The following TMEM182 variants were observed in gnomAD, a reference collection of about 807,000 sequenced individuals.
TMEM182 encodes the protein transmembrane protein 182.
Under a neutral mutation model 26.8 loss-of-function variants are expected in TMEM182, and 20 were observed. The ratio of observed to expected loss-of-function variants is 0.75; its 90% CI spans 0.53 to 1.09. The LOEUF is 1.09. TMEM182 is among the 50% of genes least tolerant of loss of function. The probability of loss-of-function intolerance (pLI) is 0.00; values close to 1 mark genes in which losing one functional copy is unlikely to be tolerated. For synonymous variants in TMEM182, 109 were observed against 102.2 expected, an observed-to-expected ratio of 1.07 and a Z score of -0.40; for missense variants, 277 against 275.5, an observed-to-expected ratio of 1.01 and a Z score of -0.04.
At chr2:102,783,375 C>A (rs1681254610) in intron 3 of TMEM182, among the ~76,000 whole-genome samples, 1 of 152,130 alleles carries the variant, frequency 6.6e-6, no homozygotes, top group Non-Finnish European at 1.5e-5. Context: ...GGACTCTAAG[C>A]AGAAGAGTCA....
intron 3 of TMEM182, among the ~76,000 whole-genome samples, chr2:102,797,302 T>A (rs1681910360): frequency 6.6e-6 from 1 of 152,214 alleles, no homozygotes. Flanking sequence ...CATTTTTTAT[T>A]GCCTTAGACT....
At chr2:102,842,628 C>T (rs1203160936) in intron 3 of TMEM182, among the ~76,000 whole-genome samples, 1 of 152,184 alleles carries the variant, frequency 6.6e-6, no homozygotes, top group Non-Finnish European at 1.5e-5. Flanking sequence ...TTAGATTGAC[C>T]TTCCAAACCA....
At chr2:102,772,706 A>G (rs976723186) in intron 3 of TMEM182, among the ~76,000 whole-genome samples, 1 of 152,158 alleles carries the variant, frequency 6.6e-6, no homozygotes, top group African/African-American at 2.4e-5. Context: ...AATCTCCACA[A>G]ACAGGTTTGT....
downstream of TMEM182, among the ~76,000 whole-genome samples, chr2:102,820,012 GTATT>G (rs1682879299): frequency 6.6e-6 from 1 of 152,178 alleles, no homozygotes; most frequent in Non-Finnish European, 1.5e-5. Context: ...CTGTCAATAA[GTATT>G]TATTTAATAG....
In TMEM182 at chr2:102,762,677, T is replaced by C. The variant is rs1299041972; in HGVS notation, c.223T>C (p.Phe75Leu). 1 of 1,613,328 alleles carries C rather than the reference T, an allele frequency of 6.2e-7. No individual in the cohort carries two copies. Among genetic ancestry groups the C allele is most frequent in the Non-Finnish European group, 8.5e-7 (1 of 1,179,468 alleles). The change falls in exon 2 of 5, where the codon TTC becomes CTC. Residue 75 changes from phenylalanine (F) to leucine (L), a missense_variant. Physicochemically the swap from Phe to Leu is conservative, Grantham distance 22 (BLOSUM62 0). Transcript: ENST00000412401. Reference sequence around the variant, plus strand: ...AGAGAATGACTCCAATATTTGGAAGTTCTGGTACAGTAAGTACAATTTAGC... The same window carrying C: ...AGAGAATGACTCCAATATTTGGAAGCTCTGGTACAGTAAGTACAATTTAGC... ...VEENDSNIWK[F>L]WYTNQPPSKN...
At chr2:102,830,856 C>A (rs1207081800) in intron 3 of TMEM182, among the ~76,000 whole-genome samples, 1 of 152,154 alleles carries the variant, frequency 6.6e-6, no homozygotes, top group African/African-American at 2.4e-5. Flanking sequence ...CACTACCCTT[C>A]CACTACCCTT....
intron 3 of TMEM182, among the ~76,000 whole-genome samples, chr2:102,777,726 CTTCT>C (rs1390103493): frequency 1.3e-5 from 2 of 149,546 alleles, no homozygotes. Flanking sequence ...AATTTTATTT[CTTCT>C]TTCTTATTTA....
chr2:102,817,400 T>C lies in TMEM182; in HGVS notation c.*2432T>C, dbSNP rs1018256651. 2.0e-6 allele frequency: 2 copies of C among 985,438 alleles called. No individual in the cohort carries two copies. Among genetic ancestry groups the C allele is most frequent in the Non-Finnish European group, 2.4e-6 (2 of 829,930 alleles). 61.0% of individuals were successfully genotyped at this position (985,438 alleles called of 1,614,324 possible). The stretch of plus-strand genomic sequence containing the variant: ...GAATAAAAAGGGCAGTGAGTTATGC[T>C]CTTGGACTTGGTGAAAGCTATCATC... On this transcript the variant is annotated 3_prime_UTR_variant, in exon 5 of 5. Coordinates refer to ENST00000412401, the MANE Select transcript of TMEM182 (RefSeq NM_144632.5).
chr2:102,744,200 A>G (rs1233314525), intron 1 of TMEM182, among the ~76,000 whole-genome samples: 1 of 152,226 alleles, frequency 6.6e-6, no homozygotes, highest in Non-Finnish European at 1.5e-5. Context: ...AATAGAAACA[A>G]TAAAAACTAT....
intron 3 of TMEM182, among the ~76,000 whole-genome samples, chr2:102,784,751 T>C (rs917977378): frequency 6.6e-6 from 1 of 152,188 alleles, no homozygotes; most frequent in African/African-American, 2.4e-5. Flanking sequence ...TTTTAGACCA[T>C]ATAGGGTAAC....
upstream of TMEM182, among the ~76,000 whole-genome samples, chr2:102,759,834 C>T (rs1449259323): frequency 5.3e-5 from 8 of 152,124 alleles, no homozygotes; most frequent in African/African-American, 1.7e-4. Context: ...GGCTTGTGGT[C>T]CCCTTCCTCT....
chr2:102,777,701 T>C (rs1013536793), intron 3 of TMEM182, among the ~76,000 whole-genome samples: 1 of 152,004 alleles, frequency 6.6e-6, no homozygotes, highest in Non-Finnish European at 1.5e-5. Flanking sequence ...AATCATGTCA[T>C]TTGCAAATAG....
intron 4 of TMEM182, among the ~76,000 whole-genome samples, chr2:102,807,101 T>C (rs1682378481): frequency 6.6e-6 from 1 of 152,208 alleles, no homozygotes; most frequent in African/African-American, 2.4e-5. Context: ...ATGTAGGATG[T>C]TTAATGATAA....
At chr2:102,774,320 A>C (rs1680816548) in intron 3 of TMEM182, among the ~76,000 whole-genome samples, 1 of 127,512 alleles carries the variant, frequency 7.8e-6, no homozygotes, top group South Asian at 2.4e-4. Context: ...CAATGGTGCT[A>C]TCTCAGCTTA....
chr2:102,764,549 G>T, intron 3 of TMEM182, 122 bp downstream of exon 3: 1 of 675,608 alleles, frequency 1.5e-6, no homozygotes. Context: ...CAATATTTTT[G>T]ATATCTGTTA....
rs189530221 is a variant in TMEM182 at position 102,815,904 on chromosome 2, A to T, written c.*936A>T. On this transcript the variant is annotated 3_prime_UTR_variant, in exon 5 of 5. Coordinates refer to ENST00000412401, the MANE Select transcript of TMEM182 (RefSeq NM_144632.5). ...CGTACTTCCATATGAGGATTATAAT[A>T]GCCCTGCTTTATTAAAGACCATAAA... is the stretch of plus-strand genomic sequence containing the variant. The T allele has an allele frequency of 1.1e-6, 1 of 949,774 alleles. No individual in the cohort carries two copies. Among genetic ancestry groups the T allele is most frequent in the East Asian group, 1.2e-4 (1 of 8,630 alleles). The allele number at this position is 949,774 out of a possible 1,614,324, so 58.8% of individuals were successfully genotyped here. A position where few individuals can be genotyped will look rare whatever the true frequency, so the allele number is the denominator to read the frequency against.
At chr2:102,779,413 C>T (rs1558767287) in intron 3 of TMEM182, among the ~76,000 whole-genome samples, 1 of 152,114 alleles carries the variant, frequency 6.6e-6, no homozygotes, top group Non-Finnish European at 1.5e-5. Context: ...AATACTTTTT[C>T]AGCCCTGTCC....
chr2:102,787,095 A>G (rs1681427137), intron 3 of TMEM182, among the ~76,000 whole-genome samples: 1 of 152,220 alleles, frequency 6.6e-6, no homozygotes, highest in Non-Finnish European at 1.5e-5. Context: ...GAATGATTCT[A>G]CACGTTCCTG....
intron 3 of TMEM182, among the ~76,000 whole-genome samples, chr2:102,784,398 T>G (rs1681301575): frequency 6.6e-6 from 1 of 152,008 alleles, no homozygotes; most frequent in Non-Finnish European, 1.5e-5. Context: ...AACACTCCCA[T>G]GCGAAACCAG....
Sources: allele counts gnomAD v4.1 joint callset (sites outside exome capture counted in the v4.1 genomes callset), GRCh38; gene constraint gnomAD v4.1.1; transcripts MANE v1.5; gene names NCBI Gene and HGNC (gene_info 2026-07-23, HGNC 2026-07-21).